LINGO2: variants seen among roughly 807,000 people sequenced by gnomAD.
The protein encoded by LINGO2 is leucine rich repeat and Ig domain containing 2, also known as leucine-rich repeat and immunoglobulin-like domain-containing nogo receptor-interacting protein 2.
A neutral mutation model predicts 30.6 loss-of-function variants in LINGO2; 14 were observed. The observed-to-expected ratio is 0.46, with a 90% CI of 0.30 to 0.72. The LOEUF (loss-of-function observed/expected upper bound fraction) is 0.72. Ranked by LOEUF, LINGO2 falls within the 30% of genes least tolerant of loss-of-function variation. The pLI, the probability that LINGO2 is intolerant of heterozygous loss-of-function variation, is 0.07. For synonymous variants in LINGO2, 317 were observed against 288.5 expected (o/e 1.10, Z -1.00); for missense variants, 729 against 751.7 (o/e 0.97, Z 0.35).
At chr9:28,083,108 A>G (rs1006736117) in intron 4 of LINGO2, among the ~76,000 whole-genome samples, 1 of 152,202 alleles carries the variant, frequency 6.6e-6, no homozygotes, top group Non-Finnish European at 1.5e-5. Flanking sequence ...CTCTAAGAGT[A>G]GAATTATATG....
At chr9:29,142,181 G>A in the LINGO2 span, among the ~76,000 whole-genome samples, 1 of 151,656 alleles carries the variant, frequency 6.6e-6, no homozygotes, top group East Asian at 1.9e-4. Context: ...AAAAAGTTCA[G>A]AAAGATTGAA....
At chr9:28,173,222 G>C (rs891033704) in intron 4 of LINGO2, among the ~76,000 whole-genome samples, 3 of 152,250 alleles carry the variant, frequency 2.0e-5, no homozygotes, top group Admixed American at 6.5e-5. Flanking sequence ...CAACAATTAA[G>C]CATCCAATAA....
intron 2 of LINGO2, among the ~76,000 whole-genome samples, chr9:28,407,661 C>A (rs182748325): frequency 1.1e-3 from 162 of 152,162 alleles, no homozygotes; most frequent in Non-Finnish European, 1.8e-3. Context: ...TATGAAATGA[C>A]GCATGCTAAA....
At chr9:28,779,501 T>G in the LINGO2 span, among the ~76,000 whole-genome samples, 1 of 152,286 alleles carries the variant, frequency 6.6e-6, no homozygotes, top group East Asian at 1.9e-4. Flanking sequence ...CATTCTGTTT[T>G]AAAATATGAA....
In LINGO2 at chr9:28,055,570, G is replaced by C. The variant is rs190340601; in HGVS notation, c.-86-43165C>G. Among the ~76,000 whole-genome samples, 304 of 152,316 alleles carry C rather than the reference G, an allele frequency of 2.0e-3. 4 individuals are homozygous for C. Among genetic ancestry groups the C allele is most frequent in the Middle Eastern group, 0.01 (3 of 294 alleles). The stretch of plus-strand genomic sequence containing the variant: ...TTTGAATTGGAATTCTTCGTTCGAA[G>C]TGTAAGGCTTCAGTCTAATTTCTCA... On this transcript the variant is annotated intron_variant, in intron 4 of 5. Coordinates refer to ENST00000379992, the Ensembl canonical transcript of LINGO2.
chr9:28,907,203 G>A, the LINGO2 span, among the ~76,000 whole-genome samples: 9 of 151,758 alleles, frequency 5.9e-5, no homozygotes, highest in African/African-American at 9.7e-5. Flanking sequence ...ATGAGTTAAA[G>A]ACAAAAGCCA....
intron 4 of LINGO2, among the ~76,000 whole-genome samples, chr9:28,092,462 C>A (rs10968340): frequency 6.7e-6 from 1 of 150,238 alleles, no homozygotes; most frequent in African/African-American, 2.5e-5. Flanking sequence ...AACCAAACAC[C>A]GCATGTTCTC....
the LINGO2 span, among the ~76,000 whole-genome samples, chr9:29,033,161 A>AC: frequency 6.6e-6 from 1 of 152,050 alleles, no homozygotes; most frequent in African/African-American, 2.4e-5. Context: ...ATTTAAAATT[A>AC]CCAGCTCATG....
At chr9:29,096,442 T>C in the LINGO2 span, among the ~76,000 whole-genome samples, 497 of 139,312 alleles carry the variant, frequency 3.6e-3, 89 homozygotes, top group African/African-American at 0.013. Flanking sequence ...CCCACCATTA[T>C]GCCCATCTAA....
At chr9:27,950,581 G>T (rs1563848669) in exon 6 of LINGO2, 1 of 1,529,584 alleles carries the variant, frequency 6.5e-7, no homozygotes, top group Non-Finnish European at 8.8e-7. Context: ...CACTCACAGC[G>T]AGCGGGGCAG....
At chr9:28,228,042 G>C (rs1025812654) in intron 4 of LINGO2, among the ~76,000 whole-genome samples, 1 of 151,998 alleles carries the variant, frequency 6.6e-6, no homozygotes, top group Admixed American at 6.6e-5. Flanking sequence ...GATGATAGGA[G>C]CTTAATACAT....
At chr9:28,240,719 T>C (rs1587302570) in intron 4 of LINGO2, among the ~76,000 whole-genome samples, 1 of 152,110 alleles carries the variant, frequency 6.6e-6, no homozygotes, top group Admixed American at 6.5e-5. Context: ...GAAACTCCAG[T>C]AAATTGGTCT....
the LINGO2 span, among the ~76,000 whole-genome samples, chr9:28,885,510 G>C: frequency 6.7e-6 from 1 of 149,742 alleles, no homozygotes; most frequent in Non-Finnish European, 1.5e-5. Context: ...TATAAAGTCT[G>C]TGTGTACATA....
At chr9:28,794,329 C>A in the LINGO2 span, among the ~76,000 whole-genome samples, 1 of 151,834 alleles carries the variant, frequency 6.6e-6, no homozygotes, top group South Asian at 2.1e-4. Flanking sequence ...AAAACCAAAA[C>A]ACACACACAC....
the LINGO2 span, among the ~76,000 whole-genome samples, chr9:28,907,612 TGTATGATAGCAG>T: frequency 1.3e-5 from 2 of 151,686 alleles, no homozygotes; most frequent in Non-Finnish European, 3.0e-5. Flanking sequence ...ATATACAAGA[TGTATGATAGCAG>T]GTAAACAGGA....
the LINGO2 span, among the ~76,000 whole-genome samples, chr9:29,141,282 A>G: frequency 6.6e-6 from 1 of 152,018 alleles, no homozygotes; most frequent in Non-Finnish European, 1.5e-5. Flanking sequence ...TATCAATAAC[A>G]TGAAGGGGGC....
At chr9:28,139,978 C>G (rs10121614) in intron 4 of LINGO2, among the ~76,000 whole-genome samples, 6,278 of 152,186 alleles carry the variant, frequency 0.041, 412 homozygotes, top group African/African-American at 0.14. Flanking sequence ...AAAAAAAGTG[C>G]CTTTACCGTC....
At position 28,431,029 on chromosome 9, in the gene LINGO2, TGAGAGAGAGAGA is replaced by T. The variant is rs57751993; in HGVS notation, c.-279+44899_-279+44910del. Among the ~76,000 whole-genome samples the T allele has an allele frequency of 3.7e-3, 476 of 129,450 alleles. 2 individuals carry two copies. Among genetic ancestry groups the T allele is most frequent in the African/African-American group, 0.014 (449 of 32,330 alleles). 84.9% of individuals were successfully genotyped at this position (129,450 alleles called of 152,430 possible). A position where few individuals can be genotyped will look rare whatever the true frequency, so the allele number is the denominator to read the frequency against. On this transcript the variant is annotated intron_variant, in intron 2 of 5. Transcript: ENST00000379992. Reference sequence around the variant, plus strand: ...AACTTGCTTACTACAGCATGAGTGATGAGAGAGAGAGAGAGAGAGAGAGAGAGAGAGAGAGAG... The same window carrying T: ...AACTTGCTTACTACAGCATGAGTGATGAGAGAGAGAGAGAGAGAGAGAGAG...
At chr9:28,189,641 AAGGG>A (rs369984902) in intron 4 of LINGO2, among the ~76,000 whole-genome samples, 8 of 8,562 alleles carry the variant, frequency 9.3e-4, no homozygotes, top group Non-Finnish European at 1.5e-3. Flanking sequence ...GGGAGGAAGG[AAGGG>A]AGGGAGGAAG....
Sources: allele counts gnomAD v4.1 joint callset (sites outside exome capture counted in the v4.1 genomes callset), GRCh38; gene constraint gnomAD v4.1.1; transcripts MANE v1.5; gene names NCBI Gene and HGNC (gene_info 2026-07-23, HGNC 2026-07-21).